The following INPP4B variants were observed in gnomAD, a reference collection of about 807,000 sequenced individuals.
The protein encoded by INPP4B is inositol polyphosphate-4-phosphatase type II B.
INPP4B carries 55 observed loss-of-function variants against 122.5 expected under a neutral mutation model. That is an observed-to-expected ratio of 0.45 (90% CI 0.36 to 0.56). The LOEUF (loss-of-function observed/expected upper bound fraction) is 0.56, where lower values mean the gene tolerates loss of function less well. INPP4B is among the 20% of genes least tolerant of loss of function. The pLI, the probability that INPP4B is intolerant of heterozygous loss-of-function variation, is 0.00. For synonymous variants in INPP4B, 403 were observed against 388.7 expected, an observed-to-expected ratio of 1.04 and a Z score of -0.43; for missense variants, 1,000 against 1,097.7, an observed-to-expected ratio of 0.91 and a Z score of 1.26.
At chr4:142,555,639 C>A (rs566253544) in intron 2 of INPP4B, among the ~76,000 whole-genome samples, 2 of 151,946 alleles carry the variant, frequency 1.3e-5, no homozygotes, top group African/African-American at 4.8e-5. Context: ...GAGGCCGAGG[C>A]GGGTGGATCA....
intron 2 of INPP4B, among the ~76,000 whole-genome samples, chr4:142,484,929 T>C (rs1393829744): frequency 6.6e-6 from 1 of 152,170 alleles, no homozygotes; most frequent in East Asian, 1.9e-4. Context: ...AATAATGCTC[T>C]ATATTTTTAA....
intron 12 of INPP4B, among the ~76,000 whole-genome samples, chr4:142,227,873 A>G (rs1464028314): frequency 6.0e-5 from 9 of 150,300 alleles, no homozygotes; most frequent in Non-Finnish European, 8.9e-5. Context: ...AAAAAAAAAA[A>G]AAAAAAAGAA....
In INPP4B at chr4:142,028,792, G is replaced by C; in HGVS notation, c.2765C>G (p.Ala922Gly). 1 of 1,610,442 alleles carries C rather than the reference G, an allele frequency of 6.2e-7. No individual in the cohort carries two copies. Residue 922 changes from alanine to glycine, a missense_variant, in exon 26 of 26, where the codon GCT (alanine) becomes GGT (glycine). By Grantham distance (60) the Ala-to-Gly change is moderately conservative (BLOSUM62 0). Coordinates refer to ENST00000262992, the MANE Select transcript of INPP4B (RefSeq NM_001101669.3). ...YRPPEGTYGK[A>G]DT ...AACATGTTGGTAAACTTAGGTGTCA[G>C]CTTTTCCATAAGTCCCCTCTGGAGG...
intron 2 of INPP4B, among the ~76,000 whole-genome samples, chr4:142,539,445 T>C (rs146975908): frequency 2.0e-5 from 3 of 152,192 alleles, no homozygotes; most frequent in Non-Finnish European, 4.4e-5. Flanking sequence ...CATTGACTTA[T>C]TGAACTGACC....
intron 12 of INPP4B, among the ~76,000 whole-genome samples, chr4:142,210,818 G>T (rs1288187289): frequency 6.6e-6 from 1 of 152,130 alleles, no homozygotes; most frequent in Admixed American, 6.5e-5. Context: ...GTAAAGGGGG[G>T]ATGACGAGGA....
Position 142,228,186 on chromosome 4 carries a change from G to A in INPP4B, c.836+9678C>T, listed in dbSNP as rs147756288. ...GACAGAATAGAAATAAAAGCAGCAT[G>A]CAGTCCATGCAGGAAGTCTGTATTT... On this transcript the variant is annotated intron_variant, in intron 12 of 25. Transcript: ENST00000262992. Among the ~76,000 whole-genome samples the A allele has an allele frequency of 4.7e-3, 721 of 151,952 alleles. 10 individuals carry two copies. Among genetic ancestry groups the A allele is most frequent in the African/African-American group, 0.016 (673 of 41,506 alleles).
In INPP4B at chr4:142,303,517, T is replaced by C. The variant is rs565933134; in HGVS notation, c.503+1941A>G. 6.3e-4 allele frequency among the ~76,000 whole-genome samples: 96 copies of C among 152,200 alleles called. 1 individual carries two copies. The highest frequency in any genetic ancestry group is 1.9e-3 in the Admixed American group (29 of 15,274). ...ACCTAAGGCTCTTCTAACTCAATACTTAAGAGACAGAATCAGTGGAAAGAA... is the reference window on the plus strand; with the variant it reads ...ACCTAAGGCTCTTCTAACTCAATACCTAAGAGACAGAATCAGTGGAAAGAA... On this transcript the variant is annotated intron_variant, in intron 9 of 25. Transcript: ENST00000262992.
At chr4:142,730,797 G>T (rs1660385249) in intron 1 of INPP4B, among the ~76,000 whole-genome samples, 1 of 152,054 alleles carries the variant, frequency 6.6e-6, no homozygotes, top group African/African-American at 2.4e-5. Flanking sequence ...TCAATGATCA[G>T]CATATATGGA....
chr4:142,447,233 C>T (rs746528129), intron 3 of INPP4B, among the ~76,000 whole-genome samples: 1 of 152,052 alleles, frequency 6.6e-6, no homozygotes, highest in Non-Finnish European at 1.5e-5. Context: ...GTGGGGGCCT[C>T]AGTCTGACTG....
chr4:142,080,398 C>T (rs1334162075), intron 25 of INPP4B, among the ~76,000 whole-genome samples: 6 of 152,114 alleles, frequency 3.9e-5, no homozygotes, highest in Non-Finnish European at 7.4e-5. Context: ...AACACTCACA[C>T]TCTGGCACGG....
At chr4:142,427,825 G>C (rs1562076896) in intron 5 of INPP4B, among the ~76,000 whole-genome samples, 1 of 151,970 alleles carries the variant, frequency 6.6e-6, no homozygotes, top group Non-Finnish European at 1.5e-5. Context: ...ATGGACAGAT[G>C]AAAGCTCAAG....
At chr4:142,839,702 C>T (rs1783249236) in intron 1 of INPP4B, among the ~76,000 whole-genome samples, 10 of 152,204 alleles carry the variant, frequency 6.6e-5, no homozygotes, top group Admixed American at 6.5e-4. Context: ...GTGAGTGGGA[C>T]TGTAAATGAA....
At chr4:142,331,957 CT>C (rs1355377853) in intron 7 of INPP4B, among the ~76,000 whole-genome samples, 1 of 152,174 alleles carries the variant, frequency 6.6e-6, no homozygotes, top group Non-Finnish European at 1.5e-5. Context: ...AGTGCATCCC[CT>C]GACCCATAAA....
At chr4:142,214,489 T>C (rs1445948179) in intron 12 of INPP4B, among the ~76,000 whole-genome samples, 1 of 152,244 alleles carries the variant, frequency 6.6e-6, no homozygotes, top group East Asian at 1.9e-4. Flanking sequence ...GATTAGCGGC[T>C]GGTTAAGCAC....
intron 1 of INPP4B, among the ~76,000 whole-genome samples, chr4:142,798,686 G>T (rs1274601279): frequency 6.6e-6 from 1 of 151,866 alleles, no homozygotes; most frequent in African/African-American, 2.4e-5. Flanking sequence ...GGAAGGAATT[G>T]TGTGGGGGAG....
At chr4:142,629,469 T>G (rs776517375) in intron 2 of INPP4B, among the ~76,000 whole-genome samples, 2 of 151,962 alleles carry the variant, frequency 1.3e-5, no homozygotes, top group Admixed American at 6.6e-5. Context: ...TATTTCTAGA[T>G]GAGATGAAGG....
intron 2 of INPP4B, among the ~76,000 whole-genome samples, chr4:142,576,897 TAAAG>T (rs1203988252): frequency 2.6e-5 from 4 of 152,044 alleles, no homozygotes; most frequent in African/African-American, 4.8e-5. Context: ...TAAAAAGCTA[TAAAG>T]AAACTAGTAA....
chr4:142,129,856 G>A (rs1318737300), intron 18 of INPP4B, among the ~76,000 whole-genome samples: 1 of 151,816 alleles, frequency 6.6e-6, no homozygotes, highest in Non-Finnish European at 1.5e-5. Flanking sequence ...CCTTTTTCAT[G>A]ACATCATGAG....
chr4:142,437,903 A>C (rs1810875345), intron 3 of INPP4B, among the ~76,000 whole-genome samples: 1 of 152,332 alleles, frequency 6.6e-6, no homozygotes, highest in East Asian at 1.9e-4. Flanking sequence ...CAACCAAAAA[A>C]AGCCCAGGAT....
Sources: allele counts gnomAD v4.1 joint callset (sites outside exome capture counted in the v4.1 genomes callset), GRCh38; gene constraint gnomAD v4.1.1; transcripts MANE v1.5; gene names NCBI Gene and HGNC (gene_info 2026-07-23, HGNC 2026-07-21).